Variants in ALG1L2 observed in about 807,000 individuals in gnomAD.
ALG1L2 encodes ALG1 chitobiosyldiphosphodolichol beta-mannosyltransferase like 2.
Under a neutral mutation model 29.0 loss-of-function variants are expected in ALG1L2, and 32 were observed. That is an observed-to-expected ratio of 1.10 (90% CI 0.83 to 1.48). The LOEUF (loss-of-function observed/expected upper bound fraction) is 1.48. Among genes scored for constraint, ALG1L2 ranks in the 40% most tolerant of loss-of-function variants. ALG1L2 has a pLI of 0.00. For missense variants in ALG1L2, 318 were observed against 274.1 expected (o/e 1.16, Z -1.13); for synonymous variants, 110 against 109.5 (o/e 1.00, Z -0.03).
rs560751816 is a variant in ALG1L2, at chr3:130,096,109, A to C, written c.485A>C (p.Lys162Thr). The C allele has an allele frequency of 8.1e-6, 13 of 1,611,944 alleles. No homozygotes were observed. In the East Asian group the frequency reaches 2.7e-4, roughly 33 times the overall value. ...TCCAGTGGCCTGGACCTGCCCATGA[A>C]GGTGGTGGACATGTTCAGGTGCTGT... ...TSSSGLDLPM[K>T]VVDMFRCCLP... The change falls in exon 6 of 8, where the codon AAG (lysine) becomes ACG (threonine). Residue 162 changes from lysine (K) to threonine (T), a missense_variant. By Grantham distance (78) the Lys-to-Thr change is moderately conservative. Coordinates refer to ENST00000425059, the MANE Select transcript of ALG1L2 (RefSeq NM_001136152.1).
intron 5 of ALG1L2, among the ~76,000 whole-genome samples, chr3:130,095,010 G>T (rs541087316): frequency 6.6e-6 from 1 of 152,200 alleles, no homozygotes; most frequent in Non-Finnish European, 1.5e-5. Context: ...GCTGTTGGAG[G>T]CTGAGGGCCT....
At chr3:130,085,817 T>C (rs1476773189) in intron 1 of ALG1L2, among the ~76,000 whole-genome samples, 1 of 148,870 alleles carries the variant, frequency 6.7e-6, no homozygotes, top group African/African-American at 2.4e-5. Flanking sequence ...AACCTGAGGG[T>C]GGGGAACCTA....
In ALG1L2 at chr3:130,093,945, T is replaced by C. The variant is rs1285420178; in HGVS notation, c.314-458T>C. ...GGTTTGGAACCCGCGCCATGTGCTCTGGAGGCTGTGGCAGGGCAGGTGCGG... is the reference window on the plus strand; with the variant it reads ...GGTTTGGAACCCGCGCCATGTGCTCCGGAGGCTGTGGCAGGGCAGGTGCGG... On this transcript the variant is annotated intron_variant, in intron 4 of 7. Transcript: ENST00000425059. 3 of 244,920 alleles carry C rather than the reference T, an allele frequency of 1.2e-5. No individual in the cohort carries two copies. The East Asian group carries it at 3.6e-4, about 29-fold the overall frequency. The allele number at this position is 244,920 out of a possible 1,614,324, so 15.2% of individuals were successfully genotyped here.
chr3:130,089,071 GTGGGTGACTC>G (rs368023480), intron 1 of ALG1L2, among the ~76,000 whole-genome samples: 33,186 of 151,372 alleles, frequency 0.22, 356 homozygotes, highest in Non-Finnish European at 0.25. Context: ...CTGTCATTGT[GTGGGTGACTC>G]CTTGCACCCC....
intron 6 of ALG1L2, 37 bp downstream of exon 6, chr3:130,096,200 T>C: frequency 3.7e-6 from 6 of 1,603,166 alleles, no homozygotes; most frequent in African/African-American, 2.7e-5. Context: ...GGGGATAGCT[T>C]CACAGATCCA....
chr3:130,093,148 T>C lies in ALG1L2; in HGVS notation c.301T>C (p.Cys101Arg), dbSNP rs1391490477. Residue 101 changes from cysteine to arginine, a missense_variant, in exon 4 of 8, where the codon TGT (cysteine) becomes CGT (arginine). Cys to Arg is a radical substitution (Grantham distance 180). Coordinates refer to ENST00000425059, the MANE Select transcript of ALG1L2 (RefSeq NM_001136152.1). ...LDGQNLPSLV[C>R]VITGKGPLRE... ...CGGACAGAACCTTCCTTCTCTCGTC[T>C]GTGTGATAACAGGTACTGCCTGGGA... is the stretch of plus-strand genomic sequence containing the variant. 1 of 1,611,434 alleles carries C rather than the reference T, an allele frequency of 6.2e-7. No homozygotes were observed. Among genetic ancestry groups the C allele is most frequent in the Middle Eastern group, 2.2e-4 (1 of 4,500 alleles).
intron 5 of ALG1L2, among the ~76,000 whole-genome samples, chr3:130,095,532 G>A (rs1382949689): frequency 6.6e-6 from 1 of 151,794 alleles, no homozygotes; most frequent in African/African-American, 2.4e-5. Flanking sequence ...TCTTTCCCAG[G>A]TTCAAGTGAT....
intron 6 of ALG1L2, 92 bp downstream of exon 6, chr3:130,096,255 C>T (rs112848695): frequency 5.8e-5 from 84 of 1,447,844 alleles, no homozygotes; most frequent in Middle Eastern, 4.9e-4. Flanking sequence ...CACAGTGAGG[C>T]CCTGCCCCTC....
intron 3 of ALG1L2, 51 bp downstream of exon 3, chr3:130,092,273 A>C: frequency 5.0e-6 from 8 of 1,590,396 alleles, no homozygotes; most frequent in Non-Finnish European, 6.8e-6. Flanking sequence ...GCACCTGGCC[A>C]ACCTGTATTC....
intron 3 of ALG1L2, among the ~76,000 whole-genome samples, chr3:130,092,846 C>G (rs897210941): frequency 6.6e-6 from 1 of 152,128 alleles, no homozygotes; most frequent in African/African-American, 2.4e-5. Flanking sequence ...ACCTGGCCAA[C>G]ATGGCGAAAC....
In ALG1L2 at chr3:130,095,409, TTTATTATTA is replaced by T. The variant is rs869099473; in HGVS notation, c.425-607_425-599del. ...CTGGTTTGTGGTGGGTGTGCTGTGG[TTTATTATTA>T]TTATTATTATTATTATTATTATTAT... On this transcript the variant is annotated intron_variant, in intron 5 of 7. Coordinates refer to ENST00000425059, the MANE Select transcript of ALG1L2 (RefSeq NM_001136152.1). Among the ~76,000 whole-genome samples the T allele has an allele frequency of 7.1e-3, 854 of 121,130 alleles. 11 individuals carry two copies. Among genetic ancestry groups the T allele is most frequent in the African/African-American group, 0.02 (716 of 36,390 alleles). 79.5% of individuals were successfully genotyped at this position (121,130 alleles called of 152,430 possible). A position where few individuals can be genotyped will look rare whatever the true frequency, so the allele number is the denominator to read the frequency against.
chr3:130,094,269 A>G, intron 4 of ALG1L2, 134 bp from the exon 5 acceptor site: 1 of 1,139,400 alleles, frequency 8.8e-7, no homozygotes, highest in Non-Finnish European at 1.3e-6. Context: ...AGGCCCAGAT[A>G]GGGCCTGACT....
At chr3:130,084,146 C>G in intron 1 of ALG1L2, among the ~76,000 whole-genome samples, 1 of 131,520 alleles carries the variant, frequency 7.6e-6, no homozygotes, top group South Asian at 2.4e-4. Context: ...GGCAGGGATG[C>G]TGGGGAAGCA....
intron 1 of ALG1L2, 78 bp downstream of exon 1, chr3:130,082,114 A>G: frequency 6.9e-7 from 1 of 1,459,310 alleles, no homozygotes; most frequent in African/African-American, 1.4e-5. Flanking sequence ...GACTGGAGAG[A>G]CCCTTGAAGA....
chr3:130,092,550 G>A (rs1935040432), intron 3 of ALG1L2, among the ~76,000 whole-genome samples: 1 of 152,156 alleles, frequency 6.6e-6, no homozygotes, highest in Non-Finnish European at 1.5e-5. Context: ...ACTGGGTGGG[G>A]CAGCCTGGGG....
At position 130,093,271 on chromosome 3, in the gene ALG1L2, A is replaced by C. The variant is rs1935059648; in HGVS notation, c.313+111A>C. 6 of 1,316,860 alleles carry C rather than the reference A, an allele frequency of 4.6e-6. No homozygotes were observed. In the Admixed American group the frequency reaches 5.6e-5, roughly 12 times the overall value. The allele number at this position is 1,316,860 out of a possible 1,614,324, so 81.6% of individuals were successfully genotyped here. On this transcript the variant is annotated intron_variant, in intron 4 of 7. Coordinates refer to ENST00000425059, the MANE Select transcript of ALG1L2 (RefSeq NM_001136152.1). ...ATCTTGTCTCCTTAATCCTCACTGC[A>C]GCTCTCTGCCATAGGGTCTTACACT...
intron 1 of ALG1L2, among the ~76,000 whole-genome samples, chr3:130,087,785 G>A (rs1577325889): frequency 7.7e-6 from 1 of 129,904 alleles, no homozygotes; most frequent in East Asian, 2.1e-4. Context: ...ATGAAAAAGT[G>A]CAATGTTTCT....
chr3:130,097,087 C>G, intron 6 of ALG1L2, 88 bp from the exon 7 acceptor site: 1 of 1,558,436 alleles, frequency 6.4e-7, no homozygotes. Context: ...CTGGCTTGAG[C>G]GTGGGGTGGG....
chr3:130,084,104 G>A lies in ALG1L2; in HGVS notation c.20+2068G>A, dbSNP rs1393526079. Among the ~76,000 whole-genome samples, 3 of 148,874 alleles carry A rather than the reference G, an allele frequency of 2.0e-5. No homozygotes were observed. The East Asian group carries it at 5.9e-4, about 29-fold the overall frequency. On this transcript the variant is annotated intron_variant, in intron 1 of 7. Coordinates refer to ENST00000425059, the MANE Select transcript of ALG1L2 (RefSeq NM_001136152.1). Reference sequence around the variant, plus strand: ...TTCATCAGCACAGATGGTGACTGAGGCTCAGGAGGGGCTACTGAGGTAGGA... The same window carrying A: ...TTCATCAGCACAGATGGTGACTGAGACTCAGGAGGGGCTACTGAGGTAGGA...
Sources: allele counts gnomAD v4.1 joint callset (sites outside exome capture counted in the v4.1 genomes callset), GRCh38; gene constraint gnomAD v4.1.1; transcripts MANE v1.5; gene names NCBI Gene and HGNC (gene_info 2026-07-23, HGNC 2026-07-21).